Variants in AGMO observed in about 807,000 individuals in gnomAD.
The protein encoded by AGMO is alkylglycerol monooxygenase, also known as glyceryl-ether monooxygenase.
In AGMO, 75 loss-of-function variants were observed where a neutral mutation model predicts 60.2. The observed-to-expected ratio is 1.25, with a 90% CI of 1.03 to 1.51. The LOEUF (loss-of-function observed/expected upper bound fraction) is 1.51, where lower values mean the gene tolerates loss of function less well. AGMO is among the 40% of genes most tolerant of loss of function. The pLI is 0.00. For missense variants in AGMO, 763 were observed against 525.5 expected (o/e 1.45, Z -4.42); for synonymous variants, 261 against 177.1 (o/e 1.47, Z -3.76).
chr7:15,291,772 C>A (rs1784270377), intron 12 of AGMO, among the ~76,000 whole-genome samples: 1 of 152,090 alleles, frequency 6.6e-6, no homozygotes, highest in South Asian at 2.1e-4. Context: ...GGGACAAATG[C>A]CAAGAAGCTA....
chr7:15,244,457 CCG>C (rs1782683582), intron 12 of AGMO, among the ~76,000 whole-genome samples: 1 of 152,040 alleles, frequency 6.6e-6, no homozygotes, highest in East Asian at 1.9e-4. Context: ...ACACCATTAC[CCG>C]ACTCCTAATC....
intron 5 of AGMO, among the ~76,000 whole-genome samples, chr7:15,415,637 G>A (rs1348195138): frequency 6.6e-6 from 1 of 151,998 alleles, no homozygotes; most frequent in African/African-American, 2.4e-5. Context: ...AGCATTACAT[G>A]ATATATACAT....
intron 12 of AGMO, among the ~76,000 whole-genome samples, chr7:15,329,364 T>G (rs142523052): frequency 6.6e-6 from 1 of 152,152 alleles, no homozygotes; most frequent in Non-Finnish European, 1.5e-5. Context: ...ACATAGGTGA[T>G]GAGGAGCACC....
chr7:15,126,334 G>A, the AGMO span, among the ~76,000 whole-genome samples: 1 of 152,048 alleles, frequency 6.6e-6, no homozygotes, highest in African/African-American at 2.4e-5. Flanking sequence ...AAATATGCAA[G>A]AAATGTAATC....
At chr7:15,264,515 T>C (rs1197683643) in intron 12 of AGMO, among the ~76,000 whole-genome samples, 3 of 151,988 alleles carry the variant, frequency 2.0e-5, no homozygotes, top group Admixed American at 6.6e-5. Context: ...TATCAATTAT[T>C]ATTTCTATTC....
chr7:15,518,846 A>C lies in AGMO; in HGVS notation c.409+25926T>G, dbSNP rs1386981709. On this transcript the variant is annotated intron_variant, in intron 3 of 12. Coordinates refer to ENST00000342526, the MANE Select transcript of AGMO (RefSeq NM_001004320.2). ...TGAATTTACAGAAGTAGGCTTTCAG[A>C]AGGTGGGTAATAAAAAACTCCTCCA... 5.3e-5 allele frequency among the ~76,000 whole-genome samples: 8 copies of C among 152,022 alleles called. No homozygotes were observed. In the East Asian group the frequency reaches 1.6e-3, roughly 30 times the overall value.
At chr7:15,265,175 T>G (rs1380922840) in intron 12 of AGMO, among the ~76,000 whole-genome samples, 1 of 152,074 alleles carries the variant, frequency 6.6e-6, no homozygotes, top group Admixed American at 6.6e-5. Flanking sequence ...AGTGAATTAG[T>G]TCAAGAACAG....
chr7:15,229,743 A>G (rs1485309852), intron 12 of AGMO, among the ~76,000 whole-genome samples: 2 of 147,472 alleles, frequency 1.4e-5, no homozygotes, highest in African/African-American at 4.9e-5. Context: ...ATATTATAAT[A>G]TATATAAATA....
intron 10 of AGMO, among the ~76,000 whole-genome samples, chr7:15,382,246 T>G (rs1284388095): frequency 6.6e-6 from 1 of 152,162 alleles, no homozygotes; most frequent in Non-Finnish European, 1.5e-5. Flanking sequence ...GAAAATCTAT[T>G]TAGCAGGATA....
chr7:15,455,886 G>A (rs1273529419), intron 3 of AGMO, among the ~76,000 whole-genome samples: 2 of 151,946 alleles, frequency 1.3e-5, no homozygotes, highest in African/African-American at 2.4e-5. Context: ...CATTTAAGTC[G>A]AGATTTTTGG....
chr7:15,487,609 A>G (rs1782955806), intron 3 of AGMO, among the ~76,000 whole-genome samples: 2 of 152,148 alleles, frequency 1.3e-5, no homozygotes, highest in Non-Finnish European at 2.9e-5. Context: ...CTCCCTAACA[A>G]GCAGGATCCC....
chr7:15,474,046 C>G (rs1000393179), intron 3 of AGMO, among the ~76,000 whole-genome samples: 2 of 151,748 alleles, frequency 1.3e-5, no homozygotes, highest in African/African-American at 4.8e-5. Flanking sequence ...TCAAGGAAAC[C>G]AGAGAGGACA....
intron 10 of AGMO, among the ~76,000 whole-genome samples, chr7:15,384,963 G>A (rs947207643): frequency 2.0e-5 from 3 of 151,532 alleles, no homozygotes; most frequent in African/African-American, 7.3e-5. Flanking sequence ...TCCTGGTCTA[G>A]TGCTCTTCTA....
intron 12 of AGMO, among the ~76,000 whole-genome samples, chr7:15,228,726 T>C (rs959019121): frequency 1.3e-5 from 2 of 152,184 alleles, no homozygotes; most frequent in Non-Finnish European, 2.9e-5. Flanking sequence ...AGTAGTTATC[T>C]GCCAAAGCTG....
At chr7:15,222,224 T>C (rs1447208499) in intron 12 of AGMO, among the ~76,000 whole-genome samples, 1 of 152,080 alleles carries the variant, frequency 6.6e-6, no homozygotes, top group Non-Finnish European at 1.5e-5. Context: ...TAACAGATTT[T>C]TTTTGGTCTA....
intron 12 of AGMO, among the ~76,000 whole-genome samples, chr7:15,292,428 A>G (rs557041532): frequency 4.3e-4 from 65 of 152,288 alleles, no homozygotes; most frequent in Non-Finnish European, 7.5e-4. Context: ...GAGCAAGGAA[A>G]ACGTAAGATT....
intron 12 of AGMO, among the ~76,000 whole-genome samples, chr7:15,358,688 T>TTCA (rs1308763837): frequency 1.3e-5 from 2 of 152,154 alleles, no homozygotes; most frequent in African/African-American, 2.4e-5. Flanking sequence ...ATAACTCAAA[T>TTCA]TCATGTATTC....
chr7:15,501,872 G>T (rs1783394499), intron 3 of AGMO, among the ~76,000 whole-genome samples: 1 of 151,886 alleles, frequency 6.6e-6, no homozygotes, highest in African/African-American at 2.4e-5. Context: ...AAAAAAAATT[G>T]ATTTCAAGGA....
the AGMO span, among the ~76,000 whole-genome samples, chr7:15,174,532 G>C: frequency 1.3e-5 from 2 of 152,202 alleles, no homozygotes; most frequent in Admixed American, 6.5e-5. Context: ...ACCCAGCTCA[G>C]TGTAGACAAA....
Sources: gnomAD v4.1 joint callset for allele counts (sites outside exome capture counted in the v4.1 genomes callset) on GRCh38, gnomAD v4.1.1 for gene constraint, MANE v1.5 for transcripts, NCBI Gene and HGNC (gene_info 2026-07-23, HGNC 2026-07-21) for gene names.